The following PCGF3 variants were observed in gnomAD, a reference collection of about 807,000 sequenced individuals.
PCGF3 encodes polycomb group RING finger protein 3.
Under a neutral mutation model 33.1 loss-of-function variants are expected in PCGF3, and 7 were observed. The ratio of observed to expected loss-of-function variants is 0.21; its 90% CI spans 0.12 to 0.40. The LOEUF (loss-of-function observed/expected upper bound fraction) is 0.40, where lower values mean the gene tolerates loss of function less well. Ranked by LOEUF, PCGF3 falls within the 10% of genes least tolerant of loss-of-function variation. PCGF3 has a pLI of 1.00. For missense variants in PCGF3, 211 were observed against 313.3 expected (o/e 0.67, Z 2.46); for synonymous variants, 153 against 121.3 (o/e 1.26, Z -1.72).
At chr4:727,982 C>T (rs1464370230) in intron 1 of PCGF3, among the ~76,000 whole-genome samples, 1 of 152,198 alleles carries the variant, frequency 6.6e-6, no homozygotes, top group Non-Finnish European at 1.5e-5. Context: ...ACTTTCTGAC[C>T]ATTGACCTGG....
intron 10 of PCGF3, 30 bp downstream of exon 10, chr4:765,094 T>G (rs748290979): frequency 7.0e-7 from 1 of 1,437,936 alleles, no homozygotes; most frequent in Non-Finnish European, 9.8e-7. Context: ...TTTCAGAGTC[T>G]GCTCTGAATG....
intron 1 of PCGF3, among the ~76,000 whole-genome samples, chr4:712,158 C>T (rs1306146529): frequency 6.6e-6 from 1 of 151,896 alleles, no homozygotes; most frequent in Non-Finnish European, 1.5e-5. Context: ...TAGTTTATCA[C>T]TGAATTTTAA....
rs1454197865 is a variant in PCGF3, at chr4:720,057, GT to G, written c.-189-10569del. On this transcript the variant is annotated intron_variant, in intron 1 of 10. Coordinates refer to ENST00000362003, the Ensembl canonical transcript of PCGF3. This position sits in a 1 kb window ranked among gnomAD's most constrained non-coding sequence, Gnocchi z 5.6. ...TTTGTGTGAAAATAAATGAAAACAG[GT>G]TTTGCAGAGCCCGTTGGTGAAGGCA... Among the ~76,000 whole-genome samples, 1 of 152,192 alleles carries G rather than the reference GT, an allele frequency of 6.6e-6. No individual in the cohort carries two copies. Among genetic ancestry groups the G allele is most frequent in the Non-Finnish European group, 1.5e-5 (1 of 68,024 alleles).
intron 8 of PCGF3, among the ~76,000 whole-genome samples, chr4:753,880 C>G (rs1007008867): frequency 6.6e-6 from 1 of 152,168 alleles, no homozygotes; most frequent in Non-Finnish European, 1.5e-5. Context: ...TTGCAGTGAG[C>G]TGAGATCGAG....
chr4:751,142 T>A (rs1744493415), intron 8 of PCGF3, among the ~76,000 whole-genome samples: 1 of 152,144 alleles, frequency 6.6e-6, no homozygotes. Flanking sequence ...CTCTTTCTGT[T>A]CTTCTTGTGG....
rs17722012 is a variant in PCGF3, at chr4:755,340, G to A, written c.463-5939G>A. On this transcript the variant is annotated intron_variant, in intron 8 of 10. Transcript: ENST00000362003. ...GTCTCCTGTGTGTGGGGTGTCCAGC[G>A]ACTCATCGCACGTCTCTGGGCTCCT... 4.9e-3 allele frequency among the ~76,000 whole-genome samples: 745 copies of A among 152,100 alleles called. 2 individuals are homozygous for A. Among genetic ancestry groups the A allele is most frequent in the Middle Eastern group, 0.01 (3 of 294 alleles).
At chr4:750,751 G>A (rs936599712) in intron 8 of PCGF3, among the ~76,000 whole-genome samples, 7 of 152,070 alleles carry the variant, frequency 4.6e-5, no homozygotes, top group Non-Finnish European at 8.8e-5. Flanking sequence ...GTAACCTCGC[G>A]GTGTTGCTTA....
chr4:708,760 T>G (rs1163476186), intron 1 of PCGF3, among the ~76,000 whole-genome samples: 1 of 152,176 alleles, frequency 6.6e-6, no homozygotes, highest in South Asian at 2.1e-4. Flanking sequence ...TAGAGGCGTT[T>G]CCAGTGTCCG....
rs1184944400 is a variant in PCGF3, at chr4:721,929, A to C, written c.-189-8701A>C. 1.8e-5 allele frequency among the ~76,000 whole-genome samples: 2 copies of C among 113,304 alleles called. No homozygotes were observed. The highest frequency in any genetic ancestry group is 3.6e-5 in the Non-Finnish European group (2 of 54,996). The allele number at this position is 113,304 out of a possible 152,430, so 74.3% of individuals were successfully genotyped here. A position where few individuals can be genotyped will look rare whatever the true frequency, so the allele number is the denominator to read the frequency against. ...AGAGGCCTGTGGGAGGTGGGTGGACATGTGTCGCTGCATGTGGGTGTGGGG... is the reference window on the plus strand; with the variant it reads ...AGAGGCCTGTGGGAGGTGGGTGGACCTGTGTCGCTGCATGTGGGTGTGGGG... On this transcript the variant is annotated intron_variant, in intron 1 of 10. Transcript: ENST00000362003. This position sits in a 1 kb window ranked among gnomAD's most constrained non-coding sequence, Gnocchi z 4.1.
At position 719,460 on chromosome 4, in the gene PCGF3, C is replaced by G. The variant is rs1175110621; in HGVS notation, c.-189-11170C>G. On this transcript the variant is annotated intron_variant, in intron 1 of 10. Transcript: ENST00000362003. Reference sequence around the variant, plus strand: ...GCGCAGCTCAGGAACATGGTGGTGCCGGAGAGTGGTTTGTGTCTGTTCCTC... The same window carrying G: ...GCGCAGCTCAGGAACATGGTGGTGCGGGAGAGTGGTTTGTGTCTGTTCCTC... Among the ~76,000 whole-genome samples, 3 of 152,290 alleles carry G rather than the reference C, an allele frequency of 2.0e-5. No individual in the cohort carries two copies. The South Asian group carries it at 6.2e-4, about 32-fold the overall frequency.
At chr4:728,420 TG>T (rs1255622012) in intron 1 of PCGF3, among the ~76,000 whole-genome samples, 1 of 149,196 alleles carries the variant, frequency 6.7e-6, no homozygotes, top group Admixed American at 6.7e-5. Context: ...GTAGAGTGCG[TG>T]GGGGGTGGCG....
At position 721,867 on chromosome 4, in the gene PCGF3, GACT is replaced by G. The variant is rs1743092174; in HGVS notation, c.-189-8762_-189-8760del. Reference sequence around the variant, plus strand: ...TGGGTGTGGAAAGAGGCCTGTGGGAGACTGGTGGATGGGTGGCTCTGCGTGTGG... The same window carrying G: ...TGGGTGTGGAAAGAGGCCTGTGGGAGGGTGGATGGGTGGCTCTGCGTGTGG... On this transcript the variant is annotated intron_variant, in intron 1 of 10. Coordinates refer to ENST00000362003, the Ensembl canonical transcript of PCGF3. This position sits in a 1 kb window ranked among gnomAD's most constrained non-coding sequence, Gnocchi z 4.1. Among the ~76,000 whole-genome samples the G allele has an allele frequency of 6.7e-6, 1 of 148,176 alleles. No homozygotes were observed. The highest frequency in any genetic ancestry group is 2.6e-5 in the African/African-American group (1 of 38,846).
intron 10 of PCGF3, 25 bp from the exon 11 acceptor site, chr4:766,007 C>G (rs200168770): frequency 6.2e-7 from 1 of 1,611,902 alleles, no homozygotes; most frequent in African/African-American, 1.3e-5. Flanking sequence ...GCTAAGCAGG[C>G]ACTGTGCGTT....
rs867742956 is a variant in PCGF3 at position 717,070 on chromosome 4, T to C, written c.-190+11100T>C. Among the ~76,000 whole-genome samples, 232 of 127,488 alleles carry C rather than the reference T, an allele frequency of 1.8e-3. 1 individual carries two copies. Among genetic ancestry groups the C allele is most frequent in the Non-Finnish European group, 2.9e-3 (167 of 58,516 alleles). 83.6% of individuals were successfully genotyped at this position (127,488 alleles called of 152,430 possible). ...ACTGGGCGTCGGTGCTGGGACCCTG[T>C]AGACACTGAGTGTGAGAACTGAGCG... On this transcript the variant is annotated intron_variant, in intron 1 of 10. Coordinates refer to ENST00000362003, the Ensembl canonical transcript of PCGF3.
chr4:769,090 CGGGCCACGCTGTG>C (rs1444112527), exon 11 of PCGF3: 1 of 152,678 alleles, frequency 6.5e-6, no homozygotes, highest in Non-Finnish European at 1.5e-5. Flanking sequence ...AGTGATGCCT[CGGGCCACGCTGTG>C]GGGCCACCTC....
intron 1 of PCGF3, among the ~76,000 whole-genome samples, chr4:719,336 T>C (rs150327472): frequency 3.3e-5 from 5 of 152,366 alleles, no homozygotes; most frequent in African/African-American, 1.2e-4. Flanking sequence ...CCTAACCTGG[T>C]CGTCTCCAGC....
At chr4:709,806 A>G (rs561909951) in intron 1 of PCGF3, among the ~76,000 whole-genome samples, 1 of 152,356 alleles carries the variant, frequency 6.6e-6, no homozygotes, top group South Asian at 2.1e-4. Context: ...CAGGGTACTC[A>G]GTGTCAGCCA....
intron 8 of PCGF3, among the ~76,000 whole-genome samples, chr4:748,375 T>A (rs749253614): frequency 1.8e-4 from 27 of 152,056 alleles, no homozygotes; most frequent in Non-Finnish European, 2.9e-4. Flanking sequence ...AACTTTTGTA[T>A]TTTTAGTAGT....
intron 8 of PCGF3, among the ~76,000 whole-genome samples, chr4:753,509 C>T (rs1744620086): frequency 6.6e-6 from 1 of 152,076 alleles, no homozygotes; most frequent in Non-Finnish European, 1.5e-5. Flanking sequence ...AAAAAATTAG[C>T]TGGGCGTGGT....
Sources: gnomAD v4.1 joint callset for allele counts (sites outside exome capture counted in the v4.1 genomes callset) on GRCh38, gnomAD v4.1.1 for gene constraint, Gnocchi (gnomAD v3.1) non-coding constraint, MANE v1.5 for transcripts, NCBI Gene and HGNC (gene_info 2026-07-23, HGNC 2026-07-21) for gene names.